The following SNX29 variants were observed in gnomAD, a reference collection of about 807,000 sequenced individuals.
SNX29 encodes the protein sorting nexin-29.
In SNX29, 78 loss-of-function variants were observed where a neutral mutation model predicts 102.1. The observed-to-expected ratio is 0.76, with a 90% CI of 0.64 to 0.92. SNX29 has a LOEUF of 0.92. Ranked by LOEUF, SNX29 falls within the 40% of genes least tolerant of loss-of-function variation. The probability of loss-of-function intolerance (pLI) is 0.00; values close to 1 mark genes in which losing one functional copy is unlikely to be tolerated. For synonymous variants in SNX29, 580 were observed against 414.5 expected (o/e 1.40, Z -4.85); for missense variants, 1,280 against 1,061.7 (o/e 1.21, Z -2.86).
Position 12,069,023 on chromosome 16 carries a change from G to A in SNX29, c.1244-34G>A, listed in dbSNP as rs190910619. 8.8e-5 allele frequency: 141 copies of A among 1,602,870 alleles called. 1 individual carries two copies. The African/African-American group carries it at 1.2e-3, about 14-fold the overall frequency. ...TTATGGAGAACATGTAGTGAGAAAA[G>A]TGACCTCTTTCTGTGATTGCTCTCT... On this transcript the variant is annotated intron_variant, in intron 9 of 20. Transcript: ENST00000566228.
At chr16:12,563,092 G>A (rs1404385072) in intron 20 of SNX29, among the ~76,000 whole-genome samples, 3 of 143,258 alleles carry the variant, frequency 2.1e-5, no homozygotes, top group South Asian at 4.7e-4. Flanking sequence ...ATGTTACATA[G>A]AAGACGCACG....
intron 3 of SNX29, among the ~76,000 whole-genome samples, chr16:12,004,476 C>T (rs2056390783): frequency 6.6e-6 from 1 of 152,150 alleles, no homozygotes; most frequent in Admixed American, 6.6e-5. Flanking sequence ...ACATAGGCAT[C>T]CAGTCCTTGC....
At chr16:12,497,462 C>T (rs1439012257) in intron 19 of SNX29, among the ~76,000 whole-genome samples, 2 of 152,110 alleles carry the variant, frequency 1.3e-5, no homozygotes, top group African/African-American at 2.4e-5. Flanking sequence ...ATGCTTTCTA[C>T]GGCAAGTGGC....
chr16:12,524,099 T>C (rs891169310), intron 19 of SNX29, among the ~76,000 whole-genome samples: 1 of 152,178 alleles, frequency 6.6e-6, no homozygotes. Context: ...TTGGTTAGGC[T>C]GGTCTCAAAC....
intron 13 of SNX29, among the ~76,000 whole-genome samples, chr16:12,138,919 T>C (rs2054762237): frequency 6.6e-6 from 1 of 152,018 alleles, no homozygotes; most frequent in Non-Finnish European, 1.5e-5. Flanking sequence ...GAAGGCTTTG[T>C]TGGTCAGGCA....
chr16:11,979,289 A>AAAAAAAAAAAAAAAAAAAAAAAAAAC (rs2055366355), intron 1 of SNX29, among the ~76,000 whole-genome samples: 1 of 151,358 alleles, frequency 6.6e-6, no homozygotes, highest in Non-Finnish European at 1.5e-5. Context: ...AAAAAAAAAA[A>AAAAAAAAAAAAAAAAAAAAAAAAAAC]AAAAAAAAAA....
At chr16:12,179,483 C>T (rs777889356) in intron 13 of SNX29, among the ~76,000 whole-genome samples, 1 of 152,192 alleles carries the variant, frequency 6.6e-6, no homozygotes, top group African/African-American at 2.4e-5. Flanking sequence ...GACCCTGTCT[C>T]AAAAACAGAC....
At chr16:12,032,650 T>G (rs558376637) in intron 4 of SNX29, among the ~76,000 whole-genome samples, 1 of 152,268 alleles carries the variant, frequency 6.6e-6, no homozygotes, top group South Asian at 2.1e-4. Flanking sequence ...TACAAATACT[T>G]GTTTTTTCCA....
At chr16:12,080,406 G>T (rs1027941855) in intron 11 of SNX29, among the ~76,000 whole-genome samples, 2 of 152,186 alleles carry the variant, frequency 1.3e-5, no homozygotes, top group Non-Finnish European at 2.9e-5. Flanking sequence ...CCTGAACTCC[G>T]CTGAGCAGGT....
At chr16:12,221,937 T>G (rs2077489845) in intron 14 of SNX29, among the ~76,000 whole-genome samples, 1 of 152,200 alleles carries the variant, frequency 6.6e-6, no homozygotes, top group Non-Finnish European at 1.5e-5. Context: ...TCATTTCAAC[T>G]CATCAGCAGT....
chr16:12,208,626 T>C (rs1158228386), intron 14 of SNX29, among the ~76,000 whole-genome samples: 1 of 152,094 alleles, frequency 6.6e-6, no homozygotes, highest in African/African-American at 2.4e-5. Flanking sequence ...GAGCCATGAC[T>C]GTGCCACTGC....
At chr16:12,028,892 G>C (rs898713805) in intron 4 of SNX29, among the ~76,000 whole-genome samples, 5 of 151,816 alleles carry the variant, frequency 3.3e-5, no homozygotes, top group Admixed American at 6.6e-5. Context: ...GGGATTACAG[G>C]TGCCCACCAC....
chr16:12,117,338 C>T (rs2541585), intron 11 of SNX29, among the ~76,000 whole-genome samples: 1 of 107,808 alleles, frequency 9.3e-6, no homozygotes, highest in East Asian at 3.0e-4. Flanking sequence ...GCGGACGAAC[C>T]GTGGAAACAG....
chr16:12,064,533 CA>C (rs2050933919), intron 9 of SNX29, among the ~76,000 whole-genome samples: 1 of 152,250 alleles, frequency 6.6e-6, no homozygotes, highest in Non-Finnish European at 1.5e-5. Context: ...CCCTTCTCTG[CA>C]GTAACGATGC....
chr16:12,242,367 A>T (rs912599807), intron 14 of SNX29, among the ~76,000 whole-genome samples: 5 of 141,614 alleles, frequency 3.5e-5, no homozygotes, highest in South Asian at 2.2e-4. Context: ...ATATATATAT[A>T]TTTTTTTTTT....
At chr16:12,293,883 C>G (rs150374007) in intron 15 of SNX29, among the ~76,000 whole-genome samples, 187 of 152,306 alleles carry the variant, frequency 1.2e-3, no homozygotes, top group African/African-American at 4.3e-3. Context: ...CAGGCATATT[C>G]CTAAGCACTT....
chr16:12,027,950 A>G (rs2057238606), intron 4 of SNX29, among the ~76,000 whole-genome samples: 1 of 152,186 alleles, frequency 6.6e-6, no homozygotes, highest in Admixed American at 6.5e-5. Flanking sequence ...TTTGATGTAA[A>G]TTAACTCATT....
intron 15 of SNX29, among the ~76,000 whole-genome samples, chr16:12,322,275 C>T (rs975126964): frequency 2.0e-5 from 3 of 152,060 alleles, no homozygotes; most frequent in East Asian, 1.9e-4. Flanking sequence ...TGGAGCTGGG[C>T]GAGGAGTCAG....
intron 4 of SNX29, among the ~76,000 whole-genome samples, chr16:12,033,647 C>G (rs1233256003): frequency 1.3e-5 from 2 of 149,372 alleles, no homozygotes; most frequent in East Asian, 3.9e-4. Context: ...TGATCTGTTG[C>G]CCATGCTGGA....
Sources: allele counts gnomAD v4.1 joint callset (sites outside exome capture counted in the v4.1 genomes callset), GRCh38; gene constraint gnomAD v4.1.1; transcripts MANE v1.5; gene names NCBI Gene and HGNC (gene_info 2026-07-23, HGNC 2026-07-21).